ASIC2: variants seen among roughly 807,000 people sequenced by gnomAD.
ASIC2 encodes acid-sensing ion channel 2.
Under a neutral mutation model 57.3 loss-of-function variants are expected in ASIC2, and 25 were observed. The observed-to-expected ratio is 0.44, with a 90% CI of 0.32 to 0.61. The LOEUF (loss-of-function observed/expected upper bound fraction) is 0.61. Ranked by LOEUF, ASIC2 falls within the 20% of genes least tolerant of loss-of-function variation. The pLI is 0.06. For synonymous variants in ASIC2, 319 were observed against 307.5 expected, an observed-to-expected ratio of 1.04 and a Z score of -0.39; for missense variants, 641 against 738.1, an observed-to-expected ratio of 0.87 and a Z score of 1.52.
At chr17:33,730,995 C>T (rs1188114690) in intron 1 of ASIC2, among the ~76,000 whole-genome samples, 3 of 152,178 alleles carry the variant, frequency 2.0e-5, no homozygotes, top group Non-Finnish European at 2.9e-5. Context: ...ACAACACTCT[C>T]CTCTCCCTGC....
intron 1 of ASIC2, among the ~76,000 whole-genome samples, chr17:33,609,452 C>T (rs7225564): frequency 0.37 from 55,683 of 151,966 alleles, 10,502 homozygotes; most frequent in Middle Eastern, 0.5. Context: ...CATGTTGGTT[C>T]TTCTTCCTGG....
chr17:33,212,836 C>T (rs1273710029), intron 1 of ASIC2, among the ~76,000 whole-genome samples: 1 of 152,144 alleles, frequency 6.6e-6, no homozygotes, highest in Non-Finnish European at 1.5e-5. Context: ...ATTCCTTTGC[C>T]CCCTGATGGA....
intron 1 of ASIC2, among the ~76,000 whole-genome samples, chr17:33,822,473 T>C (rs6505382): frequency 0.81 from 123,503 of 152,174 alleles, 50,478 homozygotes; most frequent in African/African-American, 0.85. Context: ...CATCATCTTT[T>C]ACTTTATTTT....
intron 1 of ASIC2, among the ~76,000 whole-genome samples, chr17:33,653,512 T>C (rs753275545): frequency 6.6e-6 from 1 of 152,206 alleles, no homozygotes; most frequent in Non-Finnish European, 1.5e-5. Context: ...TGTAGTCTCC[T>C]GGAATGAGTA....
chr17:33,585,389 A>G (rs555658393), intron 1 of ASIC2, among the ~76,000 whole-genome samples: 1 of 152,316 alleles, frequency 6.6e-6, no homozygotes, highest in Admixed American at 6.5e-5. Context: ...GCTTGTTAGC[A>G]TTTTGCCTTT....
At chr17:33,533,674 C>T (rs943657892) in intron 1 of ASIC2, 1 of 152,170 alleles carries the variant, frequency 6.6e-6, no homozygotes. Context: ...TGTAGGAGAC[C>T]TGGGGAATCA....
At chr17:33,886,568 G>A (rs976071878) in intron 1 of ASIC2, among the ~76,000 whole-genome samples, 2 of 152,042 alleles carry the variant, frequency 1.3e-5, no homozygotes, top group African/African-American at 4.8e-5. Context: ...AGTTGTACAG[G>A]CAAAGAAGCA....
intron 1 of ASIC2, among the ~76,000 whole-genome samples, chr17:33,171,969 CT>C (rs939741842): frequency 6.6e-6 from 1 of 152,198 alleles, no homozygotes; most frequent in Non-Finnish European, 1.5e-5. Flanking sequence ...TCCTCACACA[CT>C]TTCATATTAC....
At chr17:33,887,906 T>A (rs1258462112) in intron 1 of ASIC2, among the ~76,000 whole-genome samples, 1 of 152,166 alleles carries the variant, frequency 6.6e-6, no homozygotes, top group Non-Finnish European at 1.5e-5. Flanking sequence ...AGGATGGGTT[T>A]ATATGGACAT....
At chr17:33,631,840 A>C (rs904476375) in intron 1 of ASIC2, among the ~76,000 whole-genome samples, 3 of 152,122 alleles carry the variant, frequency 2.0e-5, no homozygotes, top group African/African-American at 7.2e-5. Flanking sequence ...TCTGAGGGGG[A>C]CTTGATCACC....
intron 1 of ASIC2, among the ~76,000 whole-genome samples, chr17:33,907,183 G>T (rs1915367925): frequency 6.6e-6 from 1 of 152,132 alleles, no homozygotes; most frequent in Non-Finnish European, 1.5e-5. Flanking sequence ...TGAAGCGGAG[G>T]TCCTGTTTTA....
At chr17:33,618,865 T>G (rs1474802774) in intron 1 of ASIC2, among the ~76,000 whole-genome samples, 1 of 152,218 alleles carries the variant, frequency 6.6e-6, no homozygotes, top group Non-Finnish European at 1.5e-5. Context: ...GGCTCTCTCA[T>G]GAGCCTGGCC....
chr17:33,320,536 A>C (rs1175541103), intron 1 of ASIC2, among the ~76,000 whole-genome samples: 1 of 152,206 alleles, frequency 6.6e-6, no homozygotes, highest in Non-Finnish European at 1.5e-5. Context: ...TGCCAGTGCC[A>C]GGTTAGTATG....
intron 1 of ASIC2, among the ~76,000 whole-genome samples, chr17:33,945,736 G>A (rs1050151502): frequency 6.6e-6 from 1 of 152,138 alleles, no homozygotes; most frequent in Admixed American, 6.5e-5. Context: ...AAGAAGCTCC[G>A]TGATCTGACT....
At chr17:33,229,789 T>C (rs1251917588) in intron 1 of ASIC2, among the ~76,000 whole-genome samples, 3 of 152,210 alleles carry the variant, frequency 2.0e-5, no homozygotes, top group South Asian at 2.1e-4. Flanking sequence ...TCTCAGTCTG[T>C]ACAATGAGCG....
rs573441221 is a variant in ASIC2 at position 33,122,974 on chromosome 17, GA to G, written c.709-10908del. Among the ~76,000 whole-genome samples, 525 of 152,122 alleles carry G rather than the reference GA, an allele frequency of 3.5e-3. 11 individuals are homozygous for G. Among genetic ancestry groups the G allele is most frequent in the African/African-American group, 0.012 (506 of 41,476 alleles). ...CTCATCTGTTACAGTGGCCACTACC[GA>G]AAAGATGAAAGATAACAAGTATTGG... On this transcript the variant is annotated intron_variant, in intron 1 of 9. Coordinates refer to ENST00000225823, the MANE Select transcript of ASIC2 (RefSeq NM_183377.2).
chr17:34,111,639 G>A (rs911803180), intron 1 of ASIC2, among the ~76,000 whole-genome samples: 3 of 152,132 alleles, frequency 2.0e-5, no homozygotes, highest in Non-Finnish European at 4.4e-5. Context: ...ATGGCTAAGT[G>A]ACTTACCTGA....
At chr17:34,113,380 G>A (rs1475469705) in intron 1 of ASIC2, among the ~76,000 whole-genome samples, 1 of 152,072 alleles carries the variant, frequency 6.6e-6, no homozygotes, top group African/African-American at 2.4e-5. Flanking sequence ...GGGCAACATA[G>A]CAAGACCTTG....
intron 1 of ASIC2, among the ~76,000 whole-genome samples, chr17:33,342,348 G>A (rs1269739948): frequency 6.6e-6 from 1 of 151,716 alleles, no homozygotes; most frequent in Non-Finnish European, 1.5e-5. Context: ...GTGTGTGTGT[G>A]TACGTGTGTG....
Sources: allele counts gnomAD v4.1 joint callset (sites outside exome capture counted in the v4.1 genomes callset), GRCh38; gene constraint gnomAD v4.1.1; transcripts MANE v1.5; gene names NCBI Gene and HGNC (gene_info 2026-07-23, HGNC 2026-07-21).